LYST: variants seen among roughly 807,000 people sequenced by gnomAD.
LYST encodes the protein lysosomal trafficking regulator, also known as lysosomal-trafficking regulator.
A neutral mutation model predicts 413.6 loss-of-function variants in LYST; 192 were observed. That is an observed-to-expected ratio of 0.46 (90% CI 0.41 to 0.52). The LOEUF is 0.52. LYST is among the 20% of genes least tolerant of loss of function. LYST has a pLI of 0.00. For synonymous variants in LYST, 1,525 were observed against 1,567.3 expected (o/e 0.97, Z 0.64); for missense variants, 3,815 against 4,499.9 (o/e 0.85, Z 4.35).
At chr1:235,847,785 A>G (rs556651947) in intron 1 of LYST, among the ~76,000 whole-genome samples, 31 of 152,342 alleles carry the variant, frequency 2.0e-4, no homozygotes, top group East Asian at 1.7e-3. Flanking sequence ...AGCAGTTAAA[A>G]GAGACAAAGA....
intron 11 of LYST, 70 bp downstream of exon 11, chr1:235,793,433 A>G: frequency 1.3e-6 from 1 of 756,940 alleles, no homozygotes; most frequent in Admixed American, 2.3e-5. Context: ...ATAATTAAAA[A>G]TACATTCTAT....
Position 235,697,225 on chromosome 1 carries a change from A to C in LYST, c.10422T>G (p.Gly3474=), listed in dbSNP as rs764396597. 2 of 1,614,048 alleles carry C rather than the reference A, an allele frequency of 1.2e-6. No homozygotes were observed. Among genetic ancestry groups the C allele is most frequent in the Non-Finnish European group, 1.7e-6 (2 of 1,180,006 alleles). Residue 3474 remains glycine, a synonymous_variant, in exon 46 of 53, where the codon GGT becomes GGG. Coordinates refer to ENST00000389793, the MANE Select transcript of LYST (RefSeq NM_000081.4). ...CCACAGGTACTGGAGCACTGGGGGA[A>C]CCCACGTATTCCCCCCATTTCAAGC... is the stretch of plus-strand genomic sequence containing the variant. ...IKGLKWGEYV[G]SPSAPVPVVC... is the part of the protein sequence containing the mutation.
At chr1:235,707,665 A>G (rs1430251391) in intron 44 of LYST, among the ~76,000 whole-genome samples, 2 of 152,126 alleles carry the variant, frequency 1.3e-5, no homozygotes, top group Admixed American at 6.6e-5. Flanking sequence ...TAACAATTCT[A>G]CTTCTAGGAA....
chr1:235,755,248 G>C (rs1226765387), intron 25 of LYST, among the ~76,000 whole-genome samples: 1 of 151,948 alleles, frequency 6.6e-6, no homozygotes, highest in Non-Finnish European at 1.5e-5. Flanking sequence ...AACTAGCCGG[G>C]CATGGTGGTA....
chr1:235,749,052 G>C (rs1051557119), intron 28 of LYST, among the ~76,000 whole-genome samples: 3 of 152,140 alleles, frequency 2.0e-5, no homozygotes, highest in African/African-American at 7.2e-5. Context: ...AGAACGGCTT[G>C]AGTCTTTGAA....
intron 42 of LYST, 150 bp downstream of exon 42, chr1:235,715,051 A>G: frequency 1.4e-6 from 1 of 727,374 alleles, no homozygotes; most frequent in Non-Finnish European, 2.3e-6. Context: ...TTTTTTGAGG[A>G]GCACTTTGGG....
At chr1:235,873,729 A>G (rs1267774889) in intron 1 of LYST, among the ~76,000 whole-genome samples, 1 of 152,242 alleles carries the variant, frequency 6.6e-6, no homozygotes, top group Admixed American at 6.5e-5. Flanking sequence ...CCTGCGGTCT[A>G]CAAATTTCTG....
In LYST at chr1:235,806,182, CCAAGCCTAT is replaced by C; in HGVS notation, c.2945_2953del (p.Tyr982_Gly985delinsCys). On this transcript the variant is annotated inframe_deletion, in exon 6 of 53. Coordinates refer to ENST00000389793, the MANE Select transcript of LYST (RefSeq NM_000081.4). ...TAACTTATGGCATACTCGGAAACCA[CCAAGCCTAT>C]AAAACTGTTTCTGGAACACTGAACT... 1 of 1,613,826 alleles carries C rather than the reference CCAAGCCTAT, an allele frequency of 6.2e-7. No individual in the cohort carries two copies. Among genetic ancestry groups the C allele is most frequent in the Non-Finnish European group, 8.5e-7 (1 of 1,179,976 alleles).
At chr1:235,856,782 C>A (rs1009467275) in intron 1 of LYST, among the ~76,000 whole-genome samples, 3 of 152,038 alleles carry the variant, frequency 2.0e-5, no homozygotes, top group African/African-American at 7.2e-5. Context: ...CATCACTAAG[C>A]AGAAATTCAG....
chr1:235,770,307 T>C lies in LYST; in HGVS notation c.5785-10A>G. On this transcript the variant is annotated splice_polypyrimidine_tract_variant and intron_variant, in intron 19 of 52. Coordinates refer to ENST00000389793, the MANE Select transcript of LYST (RefSeq NM_000081.4). Reference sequence around the variant, plus strand: ...TTTCCCAAACACCTTGCTGAAGAGATAAACACACACCAATAAGCACATACT... The same window carrying C: ...TTTCCCAAACACCTTGCTGAAGAGACAAACACACACCAATAAGCACATACT... 1 of 1,613,542 alleles carries C rather than the reference T, an allele frequency of 6.2e-7. No individual in the cohort carries two copies. Among genetic ancestry groups the C allele is most frequent in the South Asian group, 1.1e-5 (1 of 91,072 alleles).
intron 17 of LYST, among the ~76,000 whole-genome samples, chr1:235,776,425 T>C (rs1669241694): frequency 6.6e-6 from 1 of 152,166 alleles, no homozygotes; most frequent in Non-Finnish European, 1.5e-5. Flanking sequence ...GAAGATGGCA[T>C]TCCGAGGATG....
intron 12 of LYST, among the ~76,000 whole-genome samples, chr1:235,790,992 A>G (rs984235414): frequency 6.6e-6 from 1 of 152,058 alleles, no homozygotes; most frequent in Non-Finnish European, 1.5e-5. Flanking sequence ...TCTACTAAAA[A>G]TACAAAATTA....
At chr1:235,751,541 T>C (rs1486535517) in intron 27 of LYST, among the ~76,000 whole-genome samples, 179 bp from the exon 28 acceptor site, 2 of 152,218 alleles carry the variant, frequency 1.3e-5, no homozygotes, top group Non-Finnish European at 2.9e-5. Context: ...AAAGCAAATT[T>C]ACAAATGGTC....
chr1:235,828,410 G>T (rs569849984), intron 3 of LYST, among the ~76,000 whole-genome samples: 1 of 152,216 alleles, frequency 6.6e-6, no homozygotes, highest in South Asian at 2.1e-4. Context: ...CATAAAATGG[G>T]TGAATTTTAA....
At position 235,729,577 on chromosome 1, in the gene LYST, T is replaced by G; in HGVS notation, c.9106+19A>C. The G allele has an allele frequency of 6.4e-7, 1 of 1,568,596 alleles. No homozygotes were observed. The highest frequency in any genetic ancestry group is 8.8e-7 in the Non-Finnish European group (1 of 1,138,990). On this transcript the variant is annotated intron_variant, in intron 37 of 52. Coordinates refer to ENST00000389793, the MANE Select transcript of LYST (RefSeq NM_000081.4). ...AAGGCAGGGTGAATATGTGCAAAAT[T>G]CTTCAAAATTTGACTTACCTAGTAA... is the stretch of plus-strand genomic sequence containing the variant.
At chr1:235,698,557 G>A (rs1285916746) in intron 45 of LYST, among the ~76,000 whole-genome samples, 5 of 152,090 alleles carry the variant, frequency 3.3e-5, no homozygotes, top group Non-Finnish European at 5.9e-5. Flanking sequence ...CTCCCCTGTG[G>A]GATCCAAATC....
At chr1:235,848,368 C>T (rs191140754) in intron 1 of LYST, among the ~76,000 whole-genome samples, 11 of 152,124 alleles carry the variant, frequency 7.2e-5, no homozygotes, top group Middle Eastern at 3.4e-3. Context: ...AAAACCTCTG[C>T]GATGGAGCAA....
chr1:235,753,849 CA>C (rs1207071002), intron 25 of LYST, among the ~76,000 whole-genome samples: 1 of 151,990 alleles, frequency 6.6e-6, no homozygotes, highest in East Asian at 1.9e-4. Context: ...TCGTGAAAGC[CA>C]AAAGTTGTAT....
intron 8 of LYST, among the ~76,000 whole-genome samples, chr1:235,801,790 C>T (rs1672259126): frequency 6.6e-6 from 1 of 152,052 alleles, no homozygotes; most frequent in Admixed American, 6.5e-5. Flanking sequence ...TCAAAAAGCA[C>T]CAGTCATGGG....
Sources: gnomAD v4.1 joint callset for allele counts (sites outside exome capture counted in the v4.1 genomes callset) on GRCh38, gnomAD v4.1.1 for gene constraint, MANE v1.5 for transcripts, NCBI Gene and HGNC (gene_info 2026-07-23, HGNC 2026-07-21) for gene names.